MYO5B: variants seen among roughly 807,000 people sequenced by gnomAD.
MYO5B encodes the protein myosin VB.
MYO5B carries 143 observed loss-of-function variants against 229.3 expected under a neutral mutation model. The ratio of observed to expected loss-of-function variants is 0.62; its 90% CI spans 0.54 to 0.72. The LOEUF (loss-of-function observed/expected upper bound fraction) is 0.72, where lower values mean the gene tolerates loss of function less well. MYO5B is among the 30% of genes least tolerant of loss of function. The probability of loss-of-function intolerance (pLI) is 0.00; values close to 1 mark genes in which losing one functional copy is unlikely to be tolerated. For missense variants in MYO5B, 2,321 were observed against 2,331.0 expected (o/e 1.00, Z 0.09); for synonymous variants, 918 against 885.2 (o/e 1.04, Z -0.66).
intron 12 of MYO5B, among the ~76,000 whole-genome samples, chr18:49,955,063 A>C (rs2025478134): frequency 6.6e-6 from 1 of 152,154 alleles, no homozygotes; most frequent in African/African-American, 2.4e-5. Flanking sequence ...TGTTGTGATC[A>C]AGGACTGGCT....
In MYO5B at chr18:49,912,658, G is replaced by A. The variant is rs555306905; in HGVS notation, c.2091-485C>T. Among the ~76,000 whole-genome samples, 12 of 152,220 alleles carry A rather than the reference G, an allele frequency of 7.9e-5. 1 individual carries two copies. Among genetic ancestry groups the A allele is most frequent in the Middle Eastern group, 6.8e-3 (2 of 294 alleles). On this transcript the variant is annotated intron_variant, in intron 17 of 39. Transcript: ENST00000285039. ...CTTGGTTCTCATTCTCTTGCCTGCCGCCATGTAAGATGTTCCTTTGCTCCT... is the reference window on the plus strand; with the variant it reads ...CTTGGTTCTCATTCTCTTGCCTGCCACCATGTAAGATGTTCCTTTGCTCCT...
At chr18:49,995,773 A>G (rs1185418909) in intron 5 of MYO5B, among the ~76,000 whole-genome samples, 1 of 152,196 alleles carries the variant, frequency 6.6e-6, no homozygotes, top group Non-Finnish European at 1.5e-5. Flanking sequence ...GTAACTGCTG[A>G]TTAATTAATA....
intron 1 of MYO5B, among the ~76,000 whole-genome samples, chr18:50,163,781 C>A (rs954177443): frequency 9.2e-5 from 14 of 152,176 alleles, no homozygotes; most frequent in Non-Finnish European, 1.9e-4. Flanking sequence ...GGAGCTGGCC[C>A]CTCCCATGCC....
chr18:50,011,069 G>A (rs2026155612), intron 4 of MYO5B, among the ~76,000 whole-genome samples: 1 of 152,172 alleles, frequency 6.6e-6, no homozygotes, highest in South Asian at 2.1e-4. Flanking sequence ...GTGGCTGGGT[G>A]CAGTGGCTCA....
chr18:49,889,237 GAAAACACTC>G (rs2024681525), intron 22 of MYO5B, among the ~76,000 whole-genome samples: 1 of 152,216 alleles, frequency 6.6e-6, no homozygotes, highest in Non-Finnish European at 1.5e-5. Context: ...TACAATGTAG[GAAAACACTC>G]TTCAAATGCA....
chr18:50,094,106 C>T (rs2031504236), intron 1 of MYO5B, among the ~76,000 whole-genome samples: 3 of 152,208 alleles, frequency 2.0e-5, no homozygotes, highest in Admixed American at 1.3e-4. Flanking sequence ...AGAACCTTCT[C>T]TTGGGGTCTG....
At chr18:50,107,267 C>G (rs1016767560) in intron 1 of MYO5B, among the ~76,000 whole-genome samples, 7 of 151,900 alleles carry the variant, frequency 4.6e-5, no homozygotes, top group South Asian at 2.1e-4. Flanking sequence ...GTTGGGACTA[C>G]AGGCATGCGT....
At chr18:50,133,816 T>C (rs2032292070) in intron 1 of MYO5B, among the ~76,000 whole-genome samples, 1 of 151,980 alleles carries the variant, frequency 6.6e-6, no homozygotes. Context: ...CAGGTGATTC[T>C]AGATGCAAAG....
intron 1 of MYO5B, among the ~76,000 whole-genome samples, chr18:50,189,182 G>A (rs1413752701): frequency 1.3e-5 from 2 of 152,182 alleles, no homozygotes; most frequent in Non-Finnish European, 2.9e-5. Flanking sequence ...AAGCCACCAT[G>A]AGTTATGGTT....
At chr18:49,851,800 C>T (rs1247872953) in intron 31 of MYO5B, among the ~76,000 whole-genome samples, 2 of 152,304 alleles carry the variant, frequency 1.3e-5, no homozygotes, top group Non-Finnish European at 2.9e-5. Flanking sequence ...CTCCTCTCTG[C>T]CTGAGGTCAG....
At chr18:50,132,186 C>T (rs933939904) in intron 1 of MYO5B, among the ~76,000 whole-genome samples, 3 of 152,170 alleles carry the variant, frequency 2.0e-5, no homozygotes, top group African/African-American at 4.8e-5. Context: ...ACTTGCTCTC[C>T]GCTTTGAAAC....
chr18:49,923,751 T>C (rs1195635631), intron 17 of MYO5B, among the ~76,000 whole-genome samples: 1 of 152,238 alleles, frequency 6.6e-6, no homozygotes, highest in African/African-American at 2.4e-5. Flanking sequence ...TGTTCTATTA[T>C]TGAACAATTC....
In MYO5B at chr18:50,011,600, T is replaced by C. The variant is rs189963720; in HGVS notation, c.456-10189A>G. 1.2e-4 allele frequency among the ~76,000 whole-genome samples: 18 copies of C among 152,110 alleles called. No homozygotes were observed. In the East Asian group the frequency reaches 1.4e-3, roughly 12 times the overall value. On this transcript the variant is annotated intron_variant, in intron 4 of 39. Transcript: ENST00000285039. Reference sequence around the variant, plus strand: ...GGATGGCTCAGCAATGAGCAGGGAATCTGGGAACTGCCCGTGACACCTTTC... The same window carrying C: ...GGATGGCTCAGCAATGAGCAGGGAACCTGGGAACTGCCCGTGACACCTTTC...
intron 11 of MYO5B, 24 bp from the exon 12 acceptor site, chr18:49,962,430 C>T (rs183203487): frequency 2.7e-5 from 44 of 1,614,046 alleles, no homozygotes; most frequent in Middle Eastern, 1.6e-4. Context: ...AAAGGTCACA[C>T]GAGTGAACTG....
At chr18:49,849,219 GT>G (rs1208573862) in intron 32 of MYO5B, among the ~76,000 whole-genome samples, 3 of 152,140 alleles carry the variant, frequency 2.0e-5, no homozygotes, top group African/African-American at 7.2e-5. Context: ...TTAGGTCTTT[GT>G]GTTACACAGC....
rs543306403 is a variant in MYO5B at position 50,167,620 on chromosome 18, C to T, written c.27+27147G>A. On this transcript the variant is annotated intron_variant, in intron 1 of 39. Transcript: ENST00000285039. The stretch of plus-strand genomic sequence containing the variant: ...GTCATGGACATGCTTTCTCTCCCAG[C>T]TATTTGTCCTCTAACCCAAACCCTG... 3.3e-5 allele frequency among the ~76,000 whole-genome samples: 5 copies of T among 152,288 alleles called. No individual in the cohort carries two copies. In the East Asian group the frequency reaches 9.6e-4, roughly 29 times the overall value.
chr18:49,944,216 T>C (rs545707999), intron 14 of MYO5B, among the ~76,000 whole-genome samples: 3 of 152,122 alleles, frequency 2.0e-5, no homozygotes, highest in Admixed American at 2.0e-4. Context: ...TGCACTCTAT[T>C]TTACAGATGA....
chr18:50,112,507 A>C (rs2031884172), intron 1 of MYO5B, among the ~76,000 whole-genome samples: 2 of 152,100 alleles, frequency 1.3e-5, no homozygotes, highest in Admixed American at 6.5e-5. Context: ...TGGGACCCCC[A>C]TGGCGCCTTA....
Position 49,994,982 on chromosome 18 carries a change from T to C in MYO5B, c.613-2551A>G, listed in dbSNP as rs371538251. ...AGATAGGCATTACTAACTTTCACCA[T>C]ACTTACGGGAAAACTTAGGCTTAGA... is the stretch of plus-strand genomic sequence containing the variant. On this transcript the variant is annotated intron_variant, in intron 5 of 39. Coordinates refer to ENST00000285039, the MANE Select transcript of MYO5B (RefSeq NM_001080467.3). Among the ~76,000 whole-genome samples the C allele has an allele frequency of 1.1e-4, 16 of 152,324 alleles. No individual in the cohort carries two copies. The South Asian group carries it at 3.1e-3, about 30-fold the overall frequency.
Sources: gnomAD v4.1 joint callset for allele counts (sites outside exome capture counted in the v4.1 genomes callset) on GRCh38, gnomAD v4.1.1 for gene constraint, MANE v1.5 for transcripts, NCBI Gene and HGNC (gene_info 2026-07-23, HGNC 2026-07-21) for gene names.